GCNA: variants seen among roughly 807,000 people sequenced by gnomAD.
The protein encoded by GCNA is germ cell nuclear acidic protein.
A neutral mutation model predicts 38.8 loss-of-function variants in GCNA; 3 were observed. The ratio of observed to expected loss-of-function variants is 0.08; its 90% CI spans 0.04 to 0.20. GCNA has a LOEUF of 0.20. GCNA is among the 10% of genes least tolerant of loss of function. GCNA has a pLI of 1.00. For missense variants in GCNA, 446 were observed against 578.6 expected (o/e 0.77, Z 2.35); for synonymous variants, 195 against 240.2 (o/e 0.81, Z 1.74).
At position 71,579,146 on chromosome X, in the gene GCNA, G is replaced by A. The variant is rs896614663; in HGVS notation, c.-3+624G>A. On this transcript the variant is annotated intron_variant, in intron 1 of 12. Transcript: ENST00000373696. ...AGGAATACGTGGCGCCGGTGGCGGCGCGGGGAGAAGTGAGGGCGCTGGTTG... is the reference window on the plus strand; with the variant it reads ...AGGAATACGTGGCGCCGGTGGCGGCACGGGGAGAAGTGAGGGCGCTGGTTG... 5.7e-5 allele frequency among the ~76,000 whole-genome samples: 6 copies of A among 105,350 alleles called. No homozygotes were observed. In the East Asian group the frequency reaches 9.3e-4, roughly 16 times the overall value. The allele number at this position is 105,350 out of a possible 115,157, so 91.5% of individuals were successfully genotyped here.
At chrX:71,599,195 G>T (rs888115457) in intron 7 of GCNA, among the ~76,000 whole-genome samples, 3 of 110,859 alleles carry the variant, frequency 2.7e-5, no homozygotes, top group African/African-American at 9.8e-5. Context: ...AAGAGCTATT[G>T]TTGGCCAGAG....
At chrX:71,601,581 G>C (rs772150833) in intron 7 of GCNA, among the ~76,000 whole-genome samples, 3 of 108,044 alleles carry the variant, frequency 2.8e-5, no homozygotes, top group Admixed American at 9.9e-5. Context: ...GTCTTGCTCT[G>C]CTGCCCAAGC....
At chrX:71,579,442 G>A (rs1261999419) in intron 1 of GCNA, among the ~76,000 whole-genome samples, 3 of 102,592 alleles carry the variant, frequency 2.9e-5, no homozygotes, top group Non-Finnish European at 6.0e-5. Flanking sequence ...GGCGGCGTAG[G>A]AACACTTGGT....
chrX:71,601,108 G>A (rs1270699527), intron 7 of GCNA, among the ~76,000 whole-genome samples: 1 of 111,806 alleles, frequency 8.9e-6, no homozygotes, highest in Non-Finnish European at 1.9e-5. Flanking sequence ...CACTTGGGGA[G>A]TTCGAGGCAG....
chrX:71,585,770 C>T (rs1026576201), intron 2 of GCNA, among the ~76,000 whole-genome samples: 1 of 105,204 alleles, frequency 9.5e-6, no homozygotes, highest in Non-Finnish European at 1.9e-5. Context: ...CATTTTTACA[C>T]ACAGAAAATT....
In GCNA at chrX:71,612,363, C is replaced by T. The variant is rs1390457046; in HGVS notation, c.1759C>T (p.Arg587Trp). ...LKVCDSADRI[R>W]DTLIHEMCHA... is the part of the protein sequence containing the mutation. Reference sequence around the variant, plus strand: ...TTCATTCTTCTTTCAAGACCGAATCCGGGATACCTTGATCCATGAAATGTG... The same window carrying T: ...TTCATTCTTCTTTCAAGACCGAATCTGGGATACCTTGATCCATGAAATGTG... Residue 587 changes from arginine (R) to tryptophan (W), a missense_variant, in exon 12 of 13, where the codon CGG becomes TGG. Around this residue, in one of 7 missense-constraint regions of GCNA, gnomAD observed 60 missense variants for 111.0 expected, o/e 0.54. Coordinates refer to ENST00000373696, the MANE Select transcript of GCNA (RefSeq NM_052957.5). The T allele has an allele frequency of 5.0e-6, 6 of 1,197,956 alleles. No homozygotes were observed. The highest frequency in any genetic ancestry group is 6.8e-6 in the Non-Finnish European group (6 of 887,540).
At position 71,603,876 on chromosome X, in the gene GCNA, A is replaced by T; in HGVS notation, c.599A>T (p.Asn200Ile). The change falls in exon 8 of 13, where the codon AAC (asparagine) becomes ATC (isoleucine). Residue 200 changes from asparagine to isoleucine, a missense_variant. Coordinates refer to ENST00000373696, the MANE Select transcript of GCNA (RefSeq NM_052957.5). Reference sequence around the variant, plus strand: ...AACAGTGATGATTCATCCGACGACAACAGTGATGATTCATCCGACGACAAC... The same window carrying T: ...AACAGTGATGATTCATCCGACGACATCAGTGATGATTCATCCGACGACAAC... ...DDNSDDSSDD[N>I]SDDSSDDNSD... The T allele has an allele frequency of 8.3e-7, 1 of 1,209,882 alleles. No homozygotes were observed. Among genetic ancestry groups the T allele is most frequent in the Non-Finnish European group, 1.1e-6 (1 of 894,873 alleles).
intron 1 of GCNA, among the ~76,000 whole-genome samples, chrX:71,578,868 G>C (rs1358312111): frequency 3.7e-5 from 4 of 108,019 alleles, no homozygotes; most frequent in East Asian, 3.0e-4. Context: ...ATAGTGGGGG[G>C]CCTGGTGGTG....
intron 8 of GCNA, 116 bp downstream of exon 8, chrX:71,604,792 TC>T: frequency 9.7e-7 from 1 of 1,026,181 alleles, no homozygotes; most frequent in Non-Finnish European, 1.3e-6. Flanking sequence ...TTCAGCAACT[TC>T]CCTGTGGCCC....
intron 10 of GCNA, 90 bp downstream of exon 10, chrX:71,609,207 C>T: frequency 1.1e-6 from 1 of 937,569 alleles, no homozygotes; most frequent in Non-Finnish European, 1.5e-6. Flanking sequence ...ATACTTCCTG[C>T]CCTTGAGCAG....
chrX:71,604,229 A>G lies in GCNA; in HGVS notation c.952A>G (p.Lys318Glu). The G allele has an allele frequency of 1.6e-6, 2 of 1,212,750 alleles. No homozygotes were observed. Among genetic ancestry groups the G allele is most frequent in the Non-Finnish European group, 2.2e-6 (2 of 895,741 alleles). Residue 318 changes from lysine to glutamate, a missense_variant, in exon 8 of 13, where the codon AAG (lysine) becomes GAG (glutamate). Physicochemically the swap from Lys to Glu is moderately conservative, Grantham distance 56 (BLOSUM62 1). Around this residue, in one of 7 missense-constraint regions of GCNA, gnomAD observed 160 missense variants for 165.2 expected, o/e 0.97. Coordinates refer to ENST00000373696, the MANE Select transcript of GCNA (RefSeq NM_052957.5). ...KSDDSDVPED[K>E]SDDSDVPDDN... ...TGATGATTCGGATGTTCCCGAAGAC[A>G]AGAGTGATGATTCGGATGTTCCCGA...
rs749618639 is a variant in GCNA, at chrX:71,579,843, G to T, written c.-2-977G>T. Among the ~76,000 whole-genome samples the T allele has an allele frequency of 2.4e-3, 262 of 107,136 alleles. 1 individual carries two copies. The highest frequency in any genetic ancestry group is 8.8e-3 in the African/African-American group (256 of 29,235). The allele number at this position is 107,136 out of a possible 115,157, so 93.0% of individuals were successfully genotyped here. On this transcript the variant is annotated intron_variant, in intron 1 of 12. Coordinates refer to ENST00000373696, the MANE Select transcript of GCNA (RefSeq NM_052957.5). Reference sequence around the variant, plus strand: ...TGGAAGACTGAGGTGAGAATGGTGGGGGTAGGGTCCAGACCTGATAGGAGG... The same window carrying T: ...TGGAAGACTGAGGTGAGAATGGTGGTGGTAGGGTCCAGACCTGATAGGAGG...
chrX:71,612,629 A>G (rs755455975), intron 12 of GCNA, 70 bp downstream of exon 12: 1 of 993,532 alleles, frequency 1.0e-6, no homozygotes, highest in African/African-American at 1.9e-5. Flanking sequence ...CAGTGATTTT[A>G]TAAGTAGATG....
At chrX:71,589,170 G>T (rs1348736408) in intron 2 of GCNA, among the ~76,000 whole-genome samples, 1 of 110,165 alleles carries the variant, frequency 9.1e-6, no homozygotes, top group African/African-American at 3.3e-5. Flanking sequence ...TATAGTTTTT[G>T]AGGTTTGTTT....
intron 8 of GCNA, 79 bp downstream of exon 8, chrX:71,604,755 C>G: frequency 8.7e-7 from 1 of 1,143,842 alleles, no homozygotes. Flanking sequence ...TCCAGTCTGC[C>G]TGTCCTCCCT....
chrX:71,580,725 C>T lies in GCNA; in HGVS notation c.-2-95C>T, dbSNP rs373105527. On this transcript the variant is annotated intron_variant, in intron 1 of 12. Transcript: ENST00000373696. ...TCATGACATTGTGATCTGCCCGCCT[C>T]GGCCTCCCAAAGTGCTGGGATTATA... 12 of 793,469 alleles carry T rather than the reference C, an allele frequency of 1.5e-5. No individual in the cohort carries two copies. In the East Asian group the frequency reaches 1.8e-4, roughly 12 times the overall value. 65.4% of individuals were successfully genotyped at this position (793,469 alleles called of 1,213,427 possible).
chrX:71,609,529 C>T (rs2040794553), intron 10 of GCNA, among the ~76,000 whole-genome samples: 1 of 112,150 alleles, frequency 8.9e-6, no homozygotes, highest in African/African-American at 3.2e-5. Flanking sequence ...CTTCAGTTTG[C>T]CTCAGTTTCT....
intron 7 of GCNA, among the ~76,000 whole-genome samples, chrX:71,599,874 T>C (rs1372143140): frequency 8.9e-6 from 1 of 112,228 alleles, no homozygotes; most frequent in African/African-American, 3.2e-5. Context: ...CATAGGAACA[T>C]CTACTCCTTT....
At chrX:71,607,191 G>C (rs757253912) in intron 9 of GCNA, among the ~76,000 whole-genome samples, 7 of 112,073 alleles carry the variant, frequency 6.2e-5, no homozygotes, top group African/African-American at 2.3e-4. Context: ...GTCTGCAGAG[G>C]GTTCAGGTTT....
Sources: allele counts gnomAD v4.1 joint callset (sites outside exome capture counted in the v4.1 genomes callset), GRCh38; gene constraint gnomAD v4.1.1; regional missense constraint gnomAD v4.1.1; transcripts MANE v1.5; gene names NCBI Gene and HGNC (gene_info 2026-07-23, HGNC 2026-07-21).